Variants in AMN1 observed in about 807,000 individuals in gnomAD.
AMN1 encodes the protein antagonist of mitotic exit network 1 homolog.
Under a neutral mutation model 33.0 loss-of-function variants are expected in AMN1, and 20 were observed. That is an observed-to-expected ratio of 0.61 (90% CI 0.43 to 0.88). The LOEUF is 0.88. AMN1 is among the 40% of genes least tolerant of loss of function. The pLI is 0.00. For synonymous variants in AMN1, 114 were observed against 111.9 expected, an observed-to-expected ratio of 1.02 and a Z score of -0.12; for missense variants, 246 against 307.4, an observed-to-expected ratio of 0.80 and a Z score of 1.49.
intron 1 of AMN1, chr12:31,715,389 G>A (rs1939633637): frequency 1.4e-5 from 3 of 209,260 alleles, no homozygotes; most frequent in East Asian, 2.4e-4. Flanking sequence ...TTGCTCTTCC[G>A]CATTTCTTCA....
intron 1 of AMN1, among the ~76,000 whole-genome samples, chr12:31,716,370 A>G (rs1180757295): frequency 6.6e-6 from 1 of 152,156 alleles, no homozygotes; most frequent in African/African-American, 2.4e-5. Flanking sequence ...CTGAGTGTAT[A>G]TATCTAGTAG....
chr12:31,672,583 G>T (rs780187697), intron 6 of AMN1: 2 of 412,510 alleles, frequency 4.8e-6, no homozygotes, highest in South Asian at 4.4e-5. Flanking sequence ...ACCTATCATG[G>T]TATTACTTGT....
At chr12:31,726,693 T>TA (rs1940085600) in intron 1 of AMN1, among the ~76,000 whole-genome samples, 1 of 152,234 alleles carries the variant, frequency 6.6e-6, no homozygotes, top group African/African-American at 2.4e-5. Flanking sequence ...TCAAGCTTCT[T>TA]ACTTTGTTAC....
At chr12:31,729,122 GA>G, upstream of AMN1, 1 of 1,207,498 alleles carries the variant, frequency 8.3e-7, no homozygotes, top group Admixed American at 2.7e-5. Context: ...ACGTCACACG[GA>G]TTTTTCCGGT....
At chr12:31,722,218 C>T (rs1231640411) in intron 1 of AMN1, among the ~76,000 whole-genome samples, 2 of 151,430 alleles carry the variant, frequency 1.3e-5, no homozygotes, top group Non-Finnish European at 1.5e-5. Context: ...GACATTTTTT[C>T]GGGTTATGGT....
intron 2 of AMN1, among the ~76,000 whole-genome samples, chr12:31,705,085 G>A (rs771120353): frequency 2.0e-5 from 3 of 152,110 alleles, no homozygotes; most frequent in Non-Finnish European, 2.9e-5. Flanking sequence ...ATGTTCAAAT[G>A]CAAGCTAACA....
At chr12:31,728,872 G>C (rs1283202544) in intron 1 of AMN1, 99 bp downstream of exon 1, 5 of 1,359,590 alleles carry the variant, frequency 3.7e-6, no homozygotes, top group Admixed American at 4.4e-5. Context: ...GTCGGCGGGG[G>C]GGGTGGGAAA....
At chr12:31,681,972 C>G (rs1360762125) in intron 6 of AMN1, among the ~76,000 whole-genome samples, 8 of 152,182 alleles carry the variant, frequency 5.3e-5, no homozygotes, top group Admixed American at 2.6e-4. Context: ...CCACCGCACC[C>G]TGACACAAAT....
chr12:31,700,406 A>G (rs1938940954), intron 3 of AMN1, among the ~76,000 whole-genome samples: 1 of 151,914 alleles, frequency 6.6e-6, no homozygotes, highest in South Asian at 2.1e-4. Flanking sequence ...CCAAATATTG[A>G]AAAAAAGAGG....
rs185429612 is a variant in AMN1 at position 31,683,879 on chromosome 12, T to C, written c.703+5128A>G. On this transcript the variant is annotated intron_variant, in intron 6 of 6. Transcript: ENST00000281471. The surrounding 1 kb of genome is among the most constrained non-coding windows in gnomAD (Gnocchi z 4.1). ...CATGAAAATAGAAGAAATGAGGCTG[T>C]CATTTCAAAGAAAACAAATGACAGA... Among the ~76,000 whole-genome samples, 4 of 152,188 alleles carry C rather than the reference T, an allele frequency of 2.6e-5. No individual in the cohort carries two copies. Among genetic ancestry groups the C allele is most frequent in the African/African-American group, 7.2e-5 (3 of 41,454 alleles).
chr12:31,711,105 T>TC (rs1939449196), intron 1 of AMN1, among the ~76,000 whole-genome samples: 1 of 152,156 alleles, frequency 6.6e-6, no homozygotes, highest in South Asian at 2.1e-4. Context: ...AGATGGGGTT[T>TC]CACCATATTG....
At chr12:31,676,339 G>T (rs1366083007) in intron 6 of AMN1, among the ~76,000 whole-genome samples, 1 of 151,532 alleles carries the variant, frequency 6.6e-6, no homozygotes, top group Non-Finnish European at 1.5e-5. Context: ...GCCTGGTAAG[G>T]TGGCTCACAC....
intron 6 of AMN1, among the ~76,000 whole-genome samples, chr12:31,674,984 T>A (rs1454145773): frequency 6.7e-6 from 1 of 150,012 alleles, no homozygotes; most frequent in Admixed American, 6.7e-5. Context: ...ATGGTGCCAC[T>A]GTACTCCAGC....
chr12:31,681,525 G>C (rs912809155), intron 6 of AMN1, among the ~76,000 whole-genome samples: 1 of 150,920 alleles, frequency 6.6e-6, no homozygotes, highest in Non-Finnish European at 1.5e-5. Context: ...CACCATGCCC[G>C]GCCTCTTGCA....
chr12:31,718,519 T>G (rs966441971), intron 1 of AMN1, among the ~76,000 whole-genome samples: 10 of 152,334 alleles, frequency 6.6e-5, no homozygotes, highest in African/African-American at 2.4e-4. Context: ...TCAGGCTTTC[T>G]GCTCTAGTTT....
At chr12:31,715,935 A>C (rs1459546358) in intron 1 of AMN1, among the ~76,000 whole-genome samples, 1 of 152,238 alleles carries the variant, frequency 6.6e-6, no homozygotes, top group Non-Finnish European at 1.5e-5. Context: ...AACGTGACTA[A>C]ATTTGACTAA....
intron 6 of AMN1, among the ~76,000 whole-genome samples, chr12:31,674,030 G>T (rs148229611): frequency 4.0e-5 from 6 of 150,714 alleles, no homozygotes; most frequent in Non-Finnish European, 7.4e-5. Flanking sequence ...TTTTTTTGGA[G>T]GCTCTACAGG....
chr12:31,673,610 C>T, intron 6 of AMN1: 1 of 431,664 alleles, frequency 2.3e-6, no homozygotes, highest in South Asian at 1.7e-5. Flanking sequence ...GAAACACTTT[C>T]CAACTCTTTC....
intron 6 of AMN1, among the ~76,000 whole-genome samples, chr12:31,684,904 G>A (rs1281977034): frequency 6.6e-6 from 1 of 152,038 alleles, no homozygotes; most frequent in Non-Finnish European, 1.5e-5. Flanking sequence ...ATAAAAATAC[G>A]AAGGTAAAAC....
Sources: allele counts gnomAD v4.1 joint callset (sites outside exome capture counted in the v4.1 genomes callset), GRCh38; gene constraint gnomAD v4.1.1; non-coding constraint Gnocchi (gnomAD v3.1); transcripts MANE v1.5; gene names NCBI Gene and HGNC (gene_info 2026-07-23, HGNC 2026-07-21).